ZNF839: variants seen among roughly 807,000 people sequenced by gnomAD.
ZNF839 encodes the protein zinc finger protein 839, also known as renal carcinoma antigen NY-REN-50.
In ZNF839, 38 loss-of-function variants were observed where a neutral mutation model predicts 56.4. That is an observed-to-expected ratio of 0.67 (90% CI 0.52 to 0.88). ZNF839 has a LOEUF of 0.88. ZNF839 is among the 40% of genes least tolerant of loss of function. ZNF839 has a pLI of 0.00. For missense variants in ZNF839, 1,091 were observed against 1,177.6 expected (o/e 0.93, Z 1.08); for synonymous variants, 486 against 493.5 (o/e 0.98, Z 0.20).
At chr14:102,325,846 C>T in intron 1 of ZNF839, 139 bp from the exon 2 acceptor site, 1 of 1,050,446 alleles carries the variant, frequency 9.5e-7, no homozygotes, top group South Asian at 1.6e-5. Flanking sequence ...CACCTTAGTA[C>T]AAACACATTA....
intron 1 of ZNF839, among the ~76,000 whole-genome samples, chr14:102,325,182 C>T (rs980543948): frequency 2.0e-5 from 3 of 151,776 alleles, no homozygotes; most frequent in African/African-American, 7.3e-5. Context: ...ATGGTGAAAC[C>T]CGTCTCTACC....
Position 102,339,045 on chromosome 14 carries a change from G to A in ZNF839, c.1798-49G>A, listed in dbSNP as rs183152190. ...GTTCACACCAGGAAGAGGAGGTAGC[G>A]GTTTGCCTATTCCTTCCTATTCTAG... On this transcript the variant is annotated intron_variant, in intron 6 of 7. Transcript: ENST00000442396. 4.6e-4 allele frequency: 740 copies of A among 1,613,190 alleles called. 1 individual carries two copies. The highest frequency in any genetic ancestry group is 1.3e-3 in the Middle Eastern group (8 of 6,056).
chr14:102,335,862 G>T, intron 5 of ZNF839, 24 bp downstream of exon 5: 1 of 1,607,146 alleles, frequency 6.2e-7, no homozygotes, highest in East Asian at 2.2e-5. Context: ...ATGGCAGAAA[G>T]AGTTTTGCTC....
intron 1 of ZNF839, among the ~76,000 whole-genome samples, chr14:102,320,297 C>T (rs1380354859): frequency 2.0e-5 from 3 of 152,216 alleles, no homozygotes; most frequent in Non-Finnish European, 4.4e-5. Context: ...CGCCCTCGTG[C>T]CTTCTCTGCC....
chr14:102,339,293 C>T (rs1886222995), intron 7 of ZNF839, 70 bp downstream of exon 7: 1 of 1,534,690 alleles, frequency 6.5e-7, no homozygotes, highest in South Asian at 1.2e-5. Flanking sequence ...ACAGATGTAC[C>T]CAGGATTGCC....
At chr14:102,319,625 C>T (rs942200094), upstream of ZNF839, 117 of 1,183,202 alleles carry the variant, frequency 9.9e-5, no homozygotes, top group Non-Finnish European at 1.1e-4. The surrounding 1 kb of genome is among the most constrained non-coding windows in gnomAD (Gnocchi z 4.5). Flanking sequence ...CGGGGCACTC[C>T]ACGACTTTCC....
intron 1 of ZNF839, among the ~76,000 whole-genome samples, chr14:102,320,795 A>G (rs2073086526): frequency 6.6e-6 from 1 of 152,122 alleles, no homozygotes; most frequent in South Asian, 2.1e-4. Flanking sequence ...TTTGGTTGCT[A>G]GGGGGGTGAT....
chr14:102,341,374 A>G lies in ZNF839; in HGVS notation c.1979A>G (p.His660Arg), dbSNP rs746296020. Residue 660 changes from histidine (H) to arginine (R), a missense_variant, in exon 8 of 8, where the codon CAT (histidine) becomes CGT (arginine). Coordinates refer to ENST00000442396, the MANE Select transcript of ZNF839 (RefSeq NM_018335.6). ...VTVSPRSEES[H>R]TTTVSGGNGS... is the part of the protein sequence containing the mutation. ...GTCTCTCCCCGTTCTGAAGAAAGCCATACAACGACGGTTTCTGGTGGCAAT... is the reference window on the plus strand; with the variant it reads ...GTCTCTCCCCGTTCTGAAGAAAGCCGTACAACGACGGTTTCTGGTGGCAAT... 1.9e-6 allele frequency: 3 copies of G among 1,542,702 alleles called. No individual in the cohort carries two copies. The highest frequency in any genetic ancestry group is 2.6e-6 in the Non-Finnish European group (3 of 1,148,188).
intron 5 of ZNF839, among the ~76,000 whole-genome samples, chr14:102,338,376 A>G (rs1379759116): frequency 1.3e-5 from 2 of 151,916 alleles, no homozygotes; most frequent in Non-Finnish European, 2.9e-5. Context: ...CATCTTTACT[A>G]AAAATACAAA....
rs759579864 is a variant in ZNF839 at position 102,338,867 on chromosome 14, C to G, written c.1711C>G (p.Pro571Ala). Residue 571 changes from proline to alanine, a missense_variant, in exon 6 of 8, where the codon CCA becomes GCA. Physicochemically the swap from Pro to Ala is conservative, Grantham distance 27. Around this residue, in one of 3 missense-constraint regions of ZNF839, gnomAD observed 431 missense variants for 468.0 expected, o/e 0.92. Coordinates refer to ENST00000442396, the MANE Select transcript of ZNF839 (RefSeq NM_018335.6). ...ATTCCTACGGAAGAAAGAAATACAC[C>G]CAGACAACCTTGGACCCAAGCACCT... ...TEFLRKKEIHPDNLGPKHLSR... is the reference protein window; with the variant it reads ...TEFLRKKEIHADNLGPKHLSR... 6.8e-6 allele frequency: 11 copies of G among 1,613,700 alleles called. No homozygotes were observed. Among genetic ancestry groups the G allele is most frequent in the Non-Finnish European group, 9.3e-6 (11 of 1,179,870 alleles).
chr14:102,330,832 T>C (rs1460374924), intron 2 of ZNF839, among the ~76,000 whole-genome samples: 1 of 152,180 alleles, frequency 6.6e-6, no homozygotes, highest in Non-Finnish European at 1.5e-5. Context: ...TTTATTTTAT[T>C]TTTCTACGTT....
intron 7 of ZNF839, among the ~76,000 whole-genome samples, chr14:102,339,484 C>T (rs1886247285): frequency 6.6e-6 from 1 of 152,178 alleles, no homozygotes; most frequent in African/African-American, 2.4e-5. Flanking sequence ...GTGGCTCACG[C>T]CTATAATCCC....
intron 4 of ZNF839, chr14:102,335,446 C>G (rs1306248224): frequency 2.2e-6 from 1 of 460,568 alleles, no homozygotes; most frequent in Non-Finnish European, 3.9e-6. Context: ...GGAGCTCACC[C>G]ATGCCCTACA....
chr14:102,338,986 G>A (rs1052099499), intron 6 of ZNF839, 33 bp downstream of exon 6: 16 of 1,613,862 alleles, frequency 9.9e-6, no homozygotes, highest in Non-Finnish European at 1.2e-5. Flanking sequence ...CCAGGTGACT[G>A]TGCACGGTGA....
chr14:102,320,170 C>T (rs2073049517), intron 1 of ZNF839, 117 bp downstream of exon 1: 2 of 1,041,924 alleles, frequency 1.9e-6, no homozygotes, highest in Non-Finnish European at 2.3e-6. Context: ...CTCAGGGCGT[C>T]CCCAGGCTGA....
chr14:102,319,914 A>C lies in ZNF839; in HGVS notation c.149A>C (p.Lys50Thr). ...QLRQVLEQVT[K>T]AQPPPPPPPF... ...CGGCAGGTCCTGGAGCAGGTGACGA[A>C]GGCGCAGCCGCCGCCGCCGCCGCCC... The change falls in exon 1 of 8, where the codon AAG (lysine) becomes ACG (threonine). Residue 50 changes from lysine (K) to threonine (T), a missense_variant. Lys to Thr is a moderately conservative substitution (Grantham distance 78, BLOSUM62 -1). Transcript: ENST00000442396. This position sits in a 1 kb window ranked among gnomAD's most constrained non-coding sequence, Gnocchi z 4.5. 1 of 1,150,734 alleles carries C rather than the reference A, an allele frequency of 8.7e-7. No individual in the cohort carries two copies. The highest frequency in any genetic ancestry group is 1.1e-6 in the Non-Finnish European group (1 of 930,670). 71.3% of individuals were successfully genotyped at this position (1,150,734 alleles called of 1,614,324 possible).
chr14:102,318,632 C>CAA (rs200585269), upstream of ZNF839, among the ~76,000 whole-genome samples: 126 of 124,598 alleles, frequency 1.0e-3, 1 homozygote, highest in Admixed American at 2.6e-3. Flanking sequence ...GATCTTGTCT[C>CAA]AAAAAAAAAA....
At chr14:102,321,500 T>C (rs1033113499) in intron 1 of ZNF839, among the ~76,000 whole-genome samples, 2 of 152,206 alleles carry the variant, frequency 1.3e-5, no homozygotes, top group Non-Finnish European at 2.9e-5. Context: ...TTGTATTTTG[T>C]AGCTAATCTA....
Position 102,339,086 on chromosome 14 carries a change from C to A in ZNF839, c.1798-8C>A, listed in dbSNP as rs760936373. 6.2e-7 allele frequency: 1 copy of A among 1,613,842 alleles called. No homozygotes were observed. Among genetic ancestry groups the A allele is most frequent in the South Asian group, 1.1e-5 (1 of 91,036 alleles). ...CCTATTCTAGCTGATTGGGTCTTCT[C>A]TTCACAGGCTGCGGAGGAGGGACTG... On this transcript the variant is annotated splice_polypyrimidine_tract_variant and splice_region_variant and intron_variant, in intron 6 of 7. Coordinates refer to ENST00000442396, the MANE Select transcript of ZNF839 (RefSeq NM_018335.6).
Sources: gnomAD v4.1 joint callset for allele counts (sites outside exome capture counted in the v4.1 genomes callset) on GRCh38, gnomAD v4.1.1 for gene constraint, gnomAD v4.1.1 regional missense constraint, Gnocchi (gnomAD v3.1) non-coding constraint, MANE v1.5 for transcripts, NCBI Gene and HGNC (gene_info 2026-07-23, HGNC 2026-07-21) for gene names.